MCM3AP: variants seen among roughly 807,000 people sequenced by gnomAD.
MCM3AP encodes germinal-center associated nuclear protein.
Under a neutral mutation model 184.1 loss-of-function variants are expected in MCM3AP, and 126 were observed. The ratio of observed to expected loss-of-function variants is 0.68; its 90% CI spans 0.59 to 0.79. The LOEUF (loss-of-function observed/expected upper bound fraction) is 0.79, where lower values mean the gene tolerates loss of function less well. MCM3AP is among the 30% of genes least tolerant of loss of function. The pLI is 0.00. For missense variants in MCM3AP, 2,496 were observed against 2,479.2 expected (o/e 1.01, Z -0.14); for synonymous variants, 1,002 against 979.3 (o/e 1.02, Z -0.43).
intron 4 of MCM3AP, among the ~76,000 whole-genome samples, chr21:46,278,937 T>C (rs2081289670): frequency 1.3e-5 from 1 of 75,524 alleles, no homozygotes; most frequent in African/African-American, 5.6e-5. Flanking sequence ...CCTCCCAAAG[T>C]GCTGGGATTA....
chr21:46,266,947 G>C (rs748609473), intron 10 of MCM3AP, 35 bp downstream of exon 10: 1 of 1,609,952 alleles, frequency 6.2e-7, no homozygotes, highest in Non-Finnish European at 8.5e-7. Context: ...GAAAAAAGGA[G>C]ACAGGGGCCC....
chr21:46,260,838 C>T lies in MCM3AP; in HGVS notation c.3536G>A (p.Arg1179His), dbSNP rs750063536. ...TTCCCTCACAAACTCCATCATCACG[C>T]GTTCCATCAGCTCCACGGCCAGGCC... ...SQGLAVELMERVMMEFVRETC... is the reference protein window; with the variant it reads ...SQGLAVELMEHVMMEFVRETC... The change falls in exon 15 of 28, where the codon CGC becomes CAC. Residue 1179 changes from arginine (R) to histidine (H), a missense_variant. Coordinates refer to ENST00000291688, the MANE Select transcript of MCM3AP (RefSeq NM_003906.5). 3.0e-5 allele frequency: 49 copies of T among 1,614,084 alleles called. No individual in the cohort carries two copies. The highest frequency in any genetic ancestry group is 1.1e-4 in the East Asian group (5 of 44,896).
chr21:46,277,230 A>T lies in MCM3AP; in HGVS notation c.1858+297T>A, dbSNP rs140326761. Among the ~76,000 whole-genome samples, 317 of 152,324 alleles carry T rather than the reference A, an allele frequency of 2.1e-3. 3 individuals are homozygous for T. Among genetic ancestry groups the T allele is most frequent in the Middle Eastern group, 0.02 (6 of 294 alleles). ...TGCCCTGTCCAAGACGGAGCACTCCACCATAACCTCTGCCCCTCGGAATCC... is the reference window on the plus strand; with the variant it reads ...TGCCCTGTCCAAGACGGAGCACTCCTCCATAACCTCTGCCCCTCGGAATCC... On this transcript the variant is annotated intron_variant, in intron 5 of 27. Coordinates refer to ENST00000291688, the MANE Select transcript of MCM3AP (RefSeq NM_003906.5).
chr21:46,256,412 G>A (rs931138150), intron 17 of MCM3AP: 24 of 230,560 alleles, frequency 1.0e-4, no homozygotes, highest in Admixed American at 1.0e-4. Context: ...GAGGGATGGG[G>A]CGGGGATGGG....
intron 26 of MCM3AP, among the ~76,000 whole-genome samples, chr21:46,240,071 A>G (rs2080628992): frequency 6.6e-6 from 1 of 152,150 alleles, no homozygotes; most frequent in Admixed American, 6.5e-5. Context: ...GGCATGTTTC[A>G]TGTCTGTGTG....
chr21:46,282,763 C>A (rs576039899), intron 2 of MCM3AP, among the ~76,000 whole-genome samples: 1 of 151,002 alleles, frequency 6.6e-6, no homozygotes, highest in South Asian at 2.1e-4. Context: ...CGAGATCATG[C>A]CACGGCACTC....
intron 26 of MCM3AP, 98 bp downstream of exon 26, chr21:46,240,713 C>T: frequency 1.8e-6 from 2 of 1,088,118 alleles, no homozygotes; most frequent in African/African-American, 1.6e-5. Flanking sequence ...CTGCCCTTCT[C>T]CATCCTGGCT....
intron 20 of MCM3AP, 62 bp from the exon 21 acceptor site, chr21:46,246,948 C>A: frequency 3.2e-6 from 5 of 1,566,050 alleles, no homozygotes; most frequent in Non-Finnish European, 4.4e-6. Context: ...AGTGACTGAT[C>A]TGCCCCAGAG....
intron 9 of MCM3AP, 23 bp downstream of exon 9, chr21:46,270,378 G>C: frequency 6.3e-7 from 1 of 1,596,286 alleles, no homozygotes; most frequent in Non-Finnish European, 8.5e-7. Context: ...TTCCAACTCT[G>C]CAAGCACAGC....
chr21:46,272,746 G>A lies in MCM3AP; in HGVS notation c.2280C>T (p.His760=), dbSNP rs747225625. The part of the protein sequence containing the change: ...KCTRFHIHCA[H]FMCEEPMSSF... ...AGGACATGGGCTCCTCACACATGAA[G>A]TGGGCACAGTGGATGTGAAACCGGG... The change falls in exon 8 of 28, where the codon CAC becomes CAT. Residue 760 remains histidine, a synonymous_variant. Transcript: ENST00000291688. The A allele has an allele frequency of 3.1e-6, 5 of 1,613,980 alleles. No individual in the cohort carries two copies. Among genetic ancestry groups the A allele is most frequent in the Non-Finnish European group, 3.4e-6 (4 of 1,179,994 alleles).
intron 27 of MCM3AP, among the ~76,000 whole-genome samples, chr21:46,235,660 A>C (rs895859514): frequency 5.3e-5 from 8 of 152,178 alleles, no homozygotes; most frequent in African/African-American, 1.4e-4. Flanking sequence ...AACAATTTCC[A>C]GTGTCAGTCA....
intron 9 of MCM3AP, among the ~76,000 whole-genome samples, chr21:46,268,933 G>A (rs1209770981): frequency 6.6e-6 from 1 of 152,080 alleles, no homozygotes; most frequent in East Asian, 1.9e-4. Context: ...ACTGGGGAGG[G>A]AGGCTCAGGC....
chr21:46,259,062 C>T lies in MCM3AP; in HGVS notation c.3611G>A (p.Arg1204His), dbSNP rs375785461. 6 of 1,613,712 alleles carry T rather than the reference C, an allele frequency of 3.7e-6. No individual in the cohort carries two copies. Among genetic ancestry groups the T allele is most frequent in the African/African-American group, 2.7e-5 (2 of 74,894 alleles). Reference sequence around the variant, plus strand: ...GACATCCTCACAGCAACGGGCCACACGGACCCTCTGGTCTGTCTCTACTGC... The same window carrying T: ...GACATCCTCACAGCAACGGGCCACATGGACCCTCTGGTCTGTCTCTACTGC... ...KNAVETDQRV[R>H]VARCCEDVCA... is the part of the protein sequence containing the mutation. Residue 1204 changes from arginine (R) to histidine (H), a missense_variant, in exon 16 of 28, where the codon CGT becomes CAT. Arg to His is a conservative substitution (Grantham distance 29). This residue lies in a region of MCM3AP where 1,323 missense variants were observed against 1,273.4 expected (regional missense o/e 1.04). Transcript: ENST00000291688.
In MCM3AP at chr21:46,246,335, G is replaced by T. The variant is rs528170829; in HGVS notation, c.4619C>A (p.Thr1540Asn). 16 of 1,609,858 alleles carry T rather than the reference G, an allele frequency of 9.9e-6. No individual in the cohort carries two copies. In the East Asian group the frequency reaches 3.6e-4, roughly 36 times the overall value. ...SDYTVTEIPD[T>N]INDLQGSTKV... ...AGTTGAACCTTGTAGATCATTAATG[G>T]TATCAGGGATCTCGGTAACAGTGTA... The change falls in exon 22 of 28, where the codon ACC becomes AAC. Residue 1540 changes from threonine to asparagine, a missense_variant. By Grantham distance (65) the Thr-to-Asn change is moderately conservative. Transcript: ENST00000291688.
At chr21:46,266,246 G>A in intron 10 of MCM3AP, 80 bp from the exon 11 acceptor site, 6 of 1,454,288 alleles carry the variant, frequency 4.1e-6, no homozygotes, top group Non-Finnish European at 5.5e-6. Flanking sequence ...GCCGAGTACT[G>A]CAAGCCCCTT....
intron 17 of MCM3AP, among the ~76,000 whole-genome samples, 171 bp from the exon 18 acceptor site, chr21:46,255,015 G>C (rs192229370): frequency 6.6e-6 from 1 of 152,286 alleles, no homozygotes; most frequent in East Asian, 1.9e-4. Context: ...CTGTGTGCTG[G>C]CTATGGGAGA....
intron 13 of MCM3AP, among the ~76,000 whole-genome samples, chr21:46,261,979 C>T (rs1034634996): frequency 6.6e-6 from 1 of 152,042 alleles, no homozygotes; most frequent in African/African-American, 2.4e-5. Context: ...ACAAATATTC[C>T]AAAATCCAAA....
At chr21:46,235,529 A>G in intron 27 of MCM3AP, 103 bp from the exon 28 acceptor site, 1 of 943,280 alleles carries the variant, frequency 1.1e-6, no homozygotes, top group Non-Finnish European at 1.6e-6. Context: ...ACCTCATCTG[A>G]GTAGTCATTT....
At chr21:46,264,799 C>A (rs78026019) in intron 12 of MCM3AP, among the ~76,000 whole-genome samples, 4 of 151,978 alleles carry the variant, frequency 2.6e-5, no homozygotes, top group African/African-American at 7.3e-5. Flanking sequence ...ACAGCCACCC[C>A]AGCCATGCCC....
Sources: allele counts gnomAD v4.1 joint callset (sites outside exome capture counted in the v4.1 genomes callset), GRCh38; gene constraint gnomAD v4.1.1; regional missense constraint gnomAD v4.1.1; transcripts MANE v1.5; gene names NCBI Gene and HGNC (gene_info 2026-07-23, HGNC 2026-07-21).